Variants in CNGB3 observed in about 807,000 individuals in gnomAD.
The protein encoded by CNGB3 is cyclic nucleotide gated channel subunit beta 3, also known as cyclic nucleotide-gated channel beta-3.
A neutral mutation model predicts 92.8 loss-of-function variants in CNGB3; 86 were observed. The observed-to-expected ratio is 0.93, with a 90% CI of 0.78 to 1.11. CNGB3 has a LOEUF of 1.11. Among genes scored for constraint, CNGB3 ranks in the 50% least tolerant of loss-of-function variants. The pLI, the probability that CNGB3 is intolerant of heterozygous loss-of-function variation, is 0.00. For missense variants in CNGB3, 1,026 were observed against 956.8 expected (o/e 1.07, Z -0.95); for synonymous variants, 333 against 332.7 (o/e 1.00, Z -0.01).
intron 10 of CNGB3, among the ~76,000 whole-genome samples, chr8:86,633,226 G>A (rs1056948557): frequency 7.9e-5 from 12 of 152,118 alleles, no homozygotes; most frequent in Admixed American, 2.0e-4. Flanking sequence ...CATGATGACC[G>A]GGCCCTCAGC....
intron 13 of CNGB3, among the ~76,000 whole-genome samples, chr8:86,619,700 A>G (rs11989131): frequency 0.02 from 2,784 of 142,126 alleles, 96 homozygotes; most frequent in African/African-American, 0.068. Context: ...GTCTGTGAAT[A>G]TCGCCAAAGG....
At chr8:86,729,049 T>A (rs1825113859) in intron 2 of CNGB3, among the ~76,000 whole-genome samples, 1 of 152,102 alleles carries the variant, frequency 6.6e-6, no homozygotes, top group Non-Finnish European at 1.5e-5. Flanking sequence ...TCGCTGGAAC[T>A]ACAGGCATGA....
At chr8:86,709,421 A>C (rs1824709917) in intron 3 of CNGB3, among the ~76,000 whole-genome samples, 1 of 152,190 alleles carries the variant, frequency 6.6e-6, no homozygotes. Flanking sequence ...GGCTGAGCTC[A>C]AACAGCCCTG....
chr8:86,723,086 G>A (rs982966941), intron 3 of CNGB3, among the ~76,000 whole-genome samples: 1 of 151,872 alleles, frequency 6.6e-6, no homozygotes, highest in African/African-American at 2.4e-5. Context: ...GTTCACTTCT[G>A]CCCATCTTCC....
At chr8:86,706,857 G>A (rs532742943) in intron 3 of CNGB3, among the ~76,000 whole-genome samples, 1 of 152,272 alleles carries the variant, frequency 6.6e-6, no homozygotes, top group South Asian at 2.1e-4. Context: ...ATCAGTTAAA[G>A]CTTGAGGGTT....
At chr8:86,591,646 C>T (rs576146555) in intron 15 of CNGB3, among the ~76,000 whole-genome samples, 35 of 152,330 alleles carry the variant, frequency 2.3e-4, no homozygotes, top group African/African-American at 7.9e-4. Context: ...CCCAGTTAGG[C>T]TGCTCAGGGG....
At chr8:86,633,615 T>C (rs1823006080) in intron 10 of CNGB3, among the ~76,000 whole-genome samples, 1 of 152,176 alleles carries the variant, frequency 6.6e-6, no homozygotes, top group Admixed American at 6.5e-5. Context: ...ACATTGTATT[T>C]GTCAGTCAAG....
intron 13 of CNGB3, among the ~76,000 whole-genome samples, chr8:86,613,422 A>G (rs1822557189): frequency 6.6e-6 from 1 of 152,214 alleles, no homozygotes; most frequent in African/African-American, 2.4e-5. Context: ...TGATTCATTT[A>G]AAACTCACTT....
rs768305532 is a variant in CNGB3 at position 86,743,605 on chromosome 8, A to T, written c.23T>A (p.Val8Asp). Residue 8 changes from valine (V) to aspartate (D), a missense_variant, in exon 1 of 18, where the codon GTC becomes GAC. By Grantham distance (152) the Val-to-Asp change is radical. Coordinates refer to ENST00000320005, the MANE Select transcript of CNGB3 (RefSeq NM_019098.5). MFKSLTK[V>D]NKVKPIGENN... ...CTCTCCTATAGGCTTCACCTTGTTG[A>T]CTTTTGTCAGCGATTTAAACATCTT... 1.9e-6 allele frequency: 3 copies of T among 1,613,952 alleles called. No homozygotes were observed. In the South Asian group the frequency reaches 3.3e-5, roughly 18 times the overall value.
chr8:86,678,630 G>A (rs1375975691), intron 3 of CNGB3, among the ~76,000 whole-genome samples: 2 of 152,104 alleles, frequency 1.3e-5, no homozygotes, highest in African/African-American at 4.8e-5. Context: ...AGTTAATCTG[G>A]AAGTGCTGGA....
intron 13 of CNGB3, among the ~76,000 whole-genome samples, chr8:86,613,547 A>G (rs1822558791): frequency 6.6e-6 from 1 of 152,190 alleles, no homozygotes; most frequent in Admixed American, 6.5e-5. Flanking sequence ...GTTCTTGAAC[A>G]TGTACATGTC....
At chr8:86,602,528 C>T (rs546378073) in intron 15 of CNGB3, among the ~76,000 whole-genome samples, 34 of 152,268 alleles carry the variant, frequency 2.2e-4, no homozygotes, top group Non-Finnish European at 3.2e-4. Flanking sequence ...CGTGGAGACC[C>T]AGGTTTGAAT....
At chr8:86,593,918 CA>C in intron 15 of CNGB3, 1 of 580,936 alleles carries the variant, frequency 1.7e-6, no homozygotes, top group Admixed American at 2.2e-5. Flanking sequence ...GCCTGTGTGC[CA>C]GGGGCAGAAG....
chr8:86,615,341 A>G (rs893820157), intron 13 of CNGB3, among the ~76,000 whole-genome samples: 1 of 152,316 alleles, frequency 6.6e-6, no homozygotes, highest in Admixed American at 6.5e-5. Flanking sequence ...GTGGTGGCTC[A>G]CACCTGTAAT....
At chr8:86,738,358 T>A (rs1044834529) in intron 2 of CNGB3, among the ~76,000 whole-genome samples, 2 of 152,156 alleles carry the variant, frequency 1.3e-5, no homozygotes, top group South Asian at 2.1e-4. Context: ...CTTAAGCTTC[T>A]TGAGCAAAGG....
intron 14 of CNGB3, among the ~76,000 whole-genome samples, chr8:86,605,858 G>A (rs565240891): frequency 1.8e-4 from 28 of 152,272 alleles, no homozygotes; most frequent in African/African-American, 6.5e-4. Context: ...GCTGGGTTGT[G>A]TTTAAAGTTA....
Position 86,665,082 on chromosome 8 carries a change from C to A in CNGB3, c.852+1843G>T, listed in dbSNP as rs148510237. ...AATTTGAATGGACATATTTGCCTAG[C>A]GGTCACCATATTGGACAGTGCGGTG... On this transcript the variant is annotated intron_variant, in intron 6 of 17. Transcript: ENST00000320005. Among the ~76,000 whole-genome samples, 20 of 152,184 alleles carry A rather than the reference C, an allele frequency of 1.3e-4. No individual in the cohort carries two copies. The East Asian group carries it at 3.9e-3, about 29-fold the overall frequency.
intron 15 of CNGB3, among the ~76,000 whole-genome samples, chr8:86,591,821 G>C (rs1198071298): frequency 6.6e-6 from 1 of 152,190 alleles, no homozygotes; most frequent in Non-Finnish European, 1.5e-5. Context: ...CCCAGAGGTG[G>C]AGCCTACAGA....
rs527412474 is a variant in CNGB3, at chr8:86,723,930, C to A, written c.338+2601G>T. The stretch of plus-strand genomic sequence containing the variant: ...TATCCTAAGTGAACTAACACAGGTA[C>A]AGAAAACCAGACACCACATGTTCTC... On this transcript the variant is annotated intron_variant, in intron 3 of 17. Coordinates refer to ENST00000320005, the MANE Select transcript of CNGB3 (RefSeq NM_019098.5). Among the ~76,000 whole-genome samples, 4 of 152,186 alleles carry A rather than the reference C, an allele frequency of 2.6e-5. No homozygotes were observed. The South Asian group carries it at 8.3e-4, about 32-fold the overall frequency.
Sources: gnomAD v4.1 joint callset for allele counts (sites outside exome capture counted in the v4.1 genomes callset) on GRCh38, gnomAD v4.1.1 for gene constraint, MANE v1.5 for transcripts, NCBI Gene and HGNC (gene_info 2026-07-23, HGNC 2026-07-21) for gene names.